GPHN: variants seen among roughly 807,000 people sequenced by gnomAD.
GPHN encodes the protein gephyrin.
GPHN carries 17 observed loss-of-function variants against 95.5 expected under a neutral mutation model. That is an observed-to-expected ratio of 0.18 (90% CI 0.12 to 0.27). The LOEUF (loss-of-function observed/expected upper bound fraction) is 0.27, where lower values mean the gene tolerates loss of function less well. Ranked by LOEUF, GPHN falls within the 10% of genes least tolerant of loss-of-function variation. GPHN has a pLI of 1.00. For missense variants in GPHN, 660 were observed against 978.1 expected (o/e 0.67, Z 4.34); for synonymous variants, 320 against 322.5 (o/e 0.99, Z 0.08).
the GPHN span, among the ~76,000 whole-genome samples, chr14:67,716,736 T>G: frequency 6.6e-6 from 1 of 152,014 alleles, no homozygotes. Context: ...ATACAAAAAT[T>G]AGCCAGATGT....
At chr14:67,202,329 T>A in the GPHN span, among the ~76,000 whole-genome samples, 3 of 151,982 alleles carry the variant, frequency 2.0e-5, no homozygotes, top group Non-Finnish European at 4.4e-5. Context: ...TAATCCCAGC[T>A]ACTTGGGAGG....
intron 5 of GPHN, among the ~76,000 whole-genome samples, chr14:66,911,621 T>C (rs1225159081): frequency 6.6e-6 from 1 of 151,996 alleles, no homozygotes; most frequent in Non-Finnish European, 1.5e-5. Flanking sequence ...GTCTGTTTTA[T>C]ACACGTCATA....
chr14:66,968,534 A>G (rs2069507709), intron 9 of GPHN, among the ~76,000 whole-genome samples: 1 of 152,098 alleles, frequency 6.6e-6, no homozygotes, highest in South Asian at 2.1e-4. Context: ...GTGCAAACGT[A>G]TTTTGTCTAC....
chr14:67,064,769 C>A (rs2075974832), intron 11 of GPHN, among the ~76,000 whole-genome samples: 3 of 152,156 alleles, frequency 2.0e-5, no homozygotes. Flanking sequence ...TCTGTGGGAT[C>A]AGTGGTGATA....
At chr14:66,529,002 G>T (rs1235789779) in intron 1 of GPHN, among the ~76,000 whole-genome samples, 1 of 152,128 alleles carries the variant, frequency 6.6e-6, no homozygotes, top group Non-Finnish European at 1.5e-5. Flanking sequence ...GAATTTGAAT[G>T]TTGGCCTGTC....
intron 1 of GPHN, among the ~76,000 whole-genome samples, chr14:66,558,909 C>T (rs1230911388): frequency 6.7e-6 from 1 of 149,046 alleles, no homozygotes; most frequent in African/African-American, 2.5e-5. Context: ...CACAACAGTC[C>T]CCAGAGTGTG....
chr14:66,970,160 A>G (rs1272212254), intron 9 of GPHN, among the ~76,000 whole-genome samples: 5 of 151,244 alleles, frequency 3.3e-5, no homozygotes. Context: ...ATCAATATCT[A>G]AAGTTTATAC....
chr14:67,305,801 C>A, the GPHN span, among the ~76,000 whole-genome samples: 1 of 152,070 alleles, frequency 6.6e-6, no homozygotes, highest in Non-Finnish European at 1.5e-5. Context: ...GTTATTTAAC[C>A]CCCAACTTTC....
chr14:67,644,491 G>A, the GPHN span, among the ~76,000 whole-genome samples: 2 of 152,178 alleles, frequency 1.3e-5, no homozygotes, highest in Non-Finnish European at 2.9e-5. Context: ...ATGGCACCTA[G>A]AATAGCTGTC....
intron 16 of GPHN, among the ~76,000 whole-genome samples, chr14:67,115,242 A>T (rs186935577): frequency 1.2e-4 from 16 of 134,734 alleles, no homozygotes; most frequent in Admixed American, 2.2e-4. Flanking sequence ...AATTGGTGAT[A>T]AAAAAAAAAG....
At chr14:66,674,289 G>A (rs2066466394) in intron 1 of GPHN, among the ~76,000 whole-genome samples, 1 of 151,750 alleles carries the variant, frequency 6.6e-6, no homozygotes, top group Middle Eastern at 3.2e-3. Flanking sequence ...TAGTAGAGAC[G>A]GGGTTTCACC....
intron 2 of GPHN, among the ~76,000 whole-genome samples, chr14:66,720,562 A>G (rs925277530): frequency 6.6e-6 from 1 of 152,192 alleles, no homozygotes; most frequent in African/African-American, 2.4e-5. Context: ...AGGGGGCCTT[A>G]TTAGCATTCA....
chr14:66,972,472 G>C (rs1356605315), intron 9 of GPHN, among the ~76,000 whole-genome samples: 1 of 151,592 alleles, frequency 6.6e-6, no homozygotes, highest in Non-Finnish European at 1.5e-5. Flanking sequence ...TTAAAAACTA[G>C]CTATTCAGCT....
At chr14:66,909,726 G>A (rs2065573491) in intron 5 of GPHN, among the ~76,000 whole-genome samples, 1 of 151,764 alleles carries the variant, frequency 6.6e-6, no homozygotes, top group African/African-American at 2.4e-5. Context: ...TTTAAAGTTA[G>A]GAATAAGACA....
At chr14:66,835,096 G>C (rs1309193680) in intron 4 of GPHN, among the ~76,000 whole-genome samples, 1 of 151,666 alleles carries the variant, frequency 6.6e-6, no homozygotes, top group East Asian at 1.9e-4. Flanking sequence ...GGGATCGGTA[G>C]TGATATCCCC....
chr14:67,620,113 C>G, the GPHN span: 1 of 1,523,036 alleles, frequency 6.6e-7, no homozygotes, highest in African/African-American at 1.4e-5. Context: ...CTGGAACCGC[C>G]GGGCAGGATC....
intron 13 of GPHN, 53 bp from the exon 14 acceptor site, chr14:67,110,087 T>C (rs773487543): frequency 6.4e-7 from 1 of 1,564,822 alleles, no homozygotes; most frequent in Non-Finnish European, 8.8e-7. Flanking sequence ...TCTGCAGACT[T>C]TTCCTTTGCA....
the GPHN span, among the ~76,000 whole-genome samples, chr14:67,296,380 C>G: frequency 4.6e-5 from 7 of 151,874 alleles, no homozygotes; most frequent in Non-Finnish European, 5.9e-5. Context: ...GTGGGCAGAT[C>G]ACGAGGTCAG....
At chr14:66,551,917 A>G (rs1382704500) in intron 1 of GPHN, among the ~76,000 whole-genome samples, 1 of 152,160 alleles carries the variant, frequency 6.6e-6, no homozygotes, top group East Asian at 1.9e-4. Flanking sequence ...AACATTGGGG[A>G]TTACAATTCT....
Sources: gnomAD v4.1 joint callset for allele counts (sites outside exome capture counted in the v4.1 genomes callset) on GRCh38, gnomAD v4.1.1 for gene constraint, MANE v1.5 for transcripts, NCBI Gene and HGNC (gene_info 2026-07-23, HGNC 2026-07-21) for gene names.